CUX2: variants seen among roughly 807,000 people sequenced by gnomAD.
CUX2 encodes the protein homeobox protein cut-like 2.
A neutral mutation model predicts 144.8 loss-of-function variants in CUX2; 40 were observed. The observed-to-expected ratio is 0.28, with a 90% CI of 0.21 to 0.36. CUX2 has a LOEUF of 0.36. Among genes scored for constraint, CUX2 ranks in the 10% least tolerant of loss-of-function variants. The probability of loss-of-function intolerance (pLI) is 1.00; values close to 1 mark genes in which losing one functional copy is unlikely to be tolerated. For synonymous variants in CUX2, 827 were observed against 875.6 expected, an observed-to-expected ratio of 0.94 and a Z score of 0.98; for missense variants, 1,615 against 1,994.0, an observed-to-expected ratio of 0.81 and a Z score of 3.62.
intron 4 of CUX2, 42 bp from the exon 5 acceptor site, chr12:111,291,376 C>A: frequency 6.4e-7 from 1 of 1,553,594 alleles, no homozygotes; most frequent in Middle Eastern, 2.2e-4. Context: ...GTGTCCCTAT[C>A]CATCAGGCCC....
At position 111,278,823 on chromosome 12, in the gene CUX2, C is replaced by A. The variant is rs1262937938; in HGVS notation, c.302-12595C>A. On this transcript the variant is annotated intron_variant, in intron 4 of 21. Coordinates refer to ENST00000261726, the MANE Select transcript of CUX2 (RefSeq NM_015267.4). ...TGATGCATCGAATAATACCATTGGA[C>A]AAAGTAAACGGGAGGCCCTCAGGTT... is the stretch of plus-strand genomic sequence containing the variant. 2.6e-5 allele frequency among the ~76,000 whole-genome samples: 4 copies of A among 152,156 alleles called. No homozygotes were observed. The East Asian group carries it at 7.7e-4, about 29-fold the overall frequency.
chr12:111,115,734 C>G (rs974323568), intron 1 of CUX2, among the ~76,000 whole-genome samples: 1 of 152,152 alleles, frequency 6.6e-6, no homozygotes. Flanking sequence ...GTTATACCCT[C>G]TGGTGCCCCC....
intron 1 of CUX2, among the ~76,000 whole-genome samples, chr12:111,041,540 A>G (rs1009885611): frequency 1.6e-4 from 24 of 152,200 alleles, no homozygotes; most frequent in African/African-American, 5.8e-4. Flanking sequence ...GTGTCTGTCT[A>G]GATTAGTGAG....
chr12:111,187,579 G>A (rs1879624761), intron 1 of CUX2, among the ~76,000 whole-genome samples: 1 of 152,162 alleles, frequency 6.6e-6, no homozygotes, highest in Non-Finnish European at 1.5e-5. Context: ...TGGGGATTGG[G>A]GTACCCTGGC....
At chr12:111,197,368 C>G (rs1470634062) in intron 1 of CUX2, among the ~76,000 whole-genome samples, 1 of 152,236 alleles carries the variant, frequency 6.6e-6, no homozygotes, top group Non-Finnish European at 1.5e-5. Flanking sequence ...AGAATCCCAT[C>G]CTCATCCGTG....
chr12:111,261,996 T>A (rs1884152235), intron 3 of CUX2, among the ~76,000 whole-genome samples: 1 of 152,224 alleles, frequency 6.6e-6, no homozygotes, highest in Non-Finnish European at 1.5e-5. Flanking sequence ...ACTTTTTTTC[T>A]GCCCTCCCCC....
At chr12:111,319,142 C>T (rs1592961357) in intron 16 of CUX2, among the ~76,000 whole-genome samples, 2 of 151,476 alleles carry the variant, frequency 1.3e-5, no homozygotes, top group Non-Finnish European at 2.9e-5. Context: ...GGCAAAACCC[C>T]GTCTCTACAA....
chr12:111,342,521 C>A (rs538785758), intron 21 of CUX2, among the ~76,000 whole-genome samples: 3 of 152,110 alleles, frequency 2.0e-5, no homozygotes, highest in South Asian at 2.1e-4. Flanking sequence ...GGAAGAAATC[C>A]CAGCTCCATC....
At position 111,188,180 on chromosome 12, in the gene CUX2, G is replaced by A. The variant is rs926918465; in HGVS notation, c.64-26020G>A. Among the ~76,000 whole-genome samples the A allele has an allele frequency of 2.6e-5, 4 of 152,254 alleles. No homozygotes were observed. The South Asian group carries it at 8.3e-4, about 32-fold the overall frequency. On this transcript the variant is annotated intron_variant, in intron 1 of 21. Coordinates refer to ENST00000261726, the MANE Select transcript of CUX2 (RefSeq NM_015267.4). ...AGCAAGCATTTATTGAGCACCTACT[G>A]TGTGTACTTTGTGGAATGGATTTTT...
intron 20 of CUX2, among the ~76,000 whole-genome samples, chr12:111,339,188 C>T (rs888638904): frequency 2.0e-5 from 3 of 149,594 alleles, no homozygotes; most frequent in South Asian, 2.1e-4. Context: ...GCTGAGATCA[C>T]GCCACTGCAC....
intron 3 of CUX2, among the ~76,000 whole-genome samples, chr12:111,253,804 G>GGT (rs1555208340): frequency 1.8e-4 from 27 of 148,324 alleles, no homozygotes; most frequent in African/African-American, 6.2e-4. Flanking sequence ...ATAAAATACT[G>GGT]TTTTTTTAGA....
chr12:111,239,849 G>A lies in CUX2; in HGVS notation c.222+21912G>A, dbSNP rs569821446. 7.2e-5 allele frequency among the ~76,000 whole-genome samples: 11 copies of A among 152,290 alleles called. No homozygotes were observed. The South Asian group carries it at 2.1e-3, about 29-fold the overall frequency. ...TGTCTGTCTGGGTTCTATCCCTGGTGTTGGTCGGGGAGGGAAGGAGACCCC... is the reference window on the plus strand; with the variant it reads ...TGTCTGTCTGGGTTCTATCCCTGGTATTGGTCGGGGAGGGAAGGAGACCCC... On this transcript the variant is annotated intron_variant, in intron 3 of 21. Coordinates refer to ENST00000261726, the MANE Select transcript of CUX2 (RefSeq NM_015267.4).
chr12:111,079,718 C>T (rs765841301), intron 1 of CUX2, among the ~76,000 whole-genome samples: 3 of 152,204 alleles, frequency 2.0e-5, no homozygotes, highest in Non-Finnish European at 4.4e-5. Flanking sequence ...TGTTCTCCCA[C>T]CTGCTTTGTC....
intron 1 of CUX2, among the ~76,000 whole-genome samples, chr12:111,202,496 T>A (rs1342722198): frequency 2.0e-5 from 3 of 152,218 alleles, no homozygotes; most frequent in Non-Finnish European, 4.4e-5. Context: ...TCCTGCCTGA[T>A]GCTTGTGGCA....
At position 111,347,706 on chromosome 12, in the gene CUX2, C is replaced by G. The variant is rs1391394032; in HGVS notation, c.3842C>G (p.Pro1281Arg). The change falls in exon 22 of 22, where the codon CCT (proline) becomes CGT (arginine). Residue 1281 changes from proline to arginine, a missense_variant. Coordinates refer to ENST00000261726, the MANE Select transcript of CUX2 (RefSeq NM_015267.4). ...TVKELELQEG[P>R]EENSTPLTTQ... is the part of the protein sequence containing the mutation. ...AAGGAACTGGAGCTTCAGGAGGGCC[C>G]TGAGGAGAACAGCACACCCCTGACC... 1 of 1,613,904 alleles carries G rather than the reference C, an allele frequency of 6.2e-7. No homozygotes were observed. Among genetic ancestry groups the G allele is most frequent in the Non-Finnish European group, 8.5e-7 (1 of 1,179,992 alleles).
chr12:111,199,998 A>G (rs926069026), intron 1 of CUX2, among the ~76,000 whole-genome samples: 6 of 152,164 alleles, frequency 3.9e-5, no homozygotes, highest in African/African-American at 1.2e-4. Context: ...TCACAGATGA[A>G]CATGCATTAC....
At chr12:111,215,543 G>T (rs530349149) in intron 2 of CUX2, among the ~76,000 whole-genome samples, 3 of 152,218 alleles carry the variant, frequency 2.0e-5, no homozygotes, top group Non-Finnish European at 4.4e-5. Flanking sequence ...AGGTCTAAAA[G>T]CCTCTCCCAT....
chr12:111,168,473 C>T (rs1878297215), intron 1 of CUX2, among the ~76,000 whole-genome samples: 2 of 152,180 alleles, frequency 1.3e-5, no homozygotes, highest in Non-Finnish European at 2.9e-5. Context: ...TAAGTTGGTT[C>T]CTTCCAAGCA....
intron 1 of CUX2, among the ~76,000 whole-genome samples, chr12:111,050,846 GGAA>G (rs1870229393): frequency 6.6e-6 from 1 of 152,182 alleles, no homozygotes; most frequent in African/African-American, 2.4e-5. Context: ...TAGAAGTTTA[GGAA>G]GAAGAATTTC....
Sources: allele counts gnomAD v4.1 joint callset (sites outside exome capture counted in the v4.1 genomes callset), GRCh38; gene constraint gnomAD v4.1.1; transcripts MANE v1.5; gene names NCBI Gene and HGNC (gene_info 2026-07-23, HGNC 2026-07-21).